CEP295: variants seen among roughly 807,000 people sequenced by gnomAD.
The protein encoded by CEP295 is centrosomal protein 295.
Under a neutral mutation model 291.6 loss-of-function variants are expected in CEP295, and 190 were observed. The ratio of observed to expected loss-of-function variants is 0.65; its 90% CI spans 0.58 to 0.73. The LOEUF (loss-of-function observed/expected upper bound fraction) is 0.73. CEP295 is among the 30% of genes least tolerant of loss of function. The pLI, the probability that CEP295 is intolerant of heterozygous loss-of-function variation, is 0.00. For missense variants in CEP295, 2,863 were observed against 2,949.4 expected (o/e 0.97, Z 0.68); for synonymous variants, 993 against 1,038.8 (o/e 0.96, Z 0.85).
At chr11:93,726,820 C>A in intron 23 of CEP295, 156 bp from the exon 24 acceptor site, 1 of 514,016 alleles carries the variant, frequency 1.9e-6, no homozygotes, top group African/African-American at 2.0e-5. Context: ...ATCACTGTGA[C>A]CATCCTTATC....
At chr11:93,669,383 G>C (rs890029966) in intron 4 of CEP295, among the ~76,000 whole-genome samples, 2 of 149,520 alleles carry the variant, frequency 1.3e-5, no homozygotes, top group African/African-American at 4.9e-5. Context: ...CCTGTTACTA[G>C]TTAGCAACAG....
chr11:93,683,290 C>G (rs1275231250), intron 7 of CEP295, among the ~76,000 whole-genome samples: 1 of 152,206 alleles, frequency 6.6e-6, no homozygotes, highest in African/African-American at 2.4e-5. Flanking sequence ...CAGTACCACT[C>G]TTTCATTGTA....
In CEP295 at chr11:93,723,134, C is replaced by T. The variant is rs766268062; in HGVS notation, c.6041C>T (p.Thr2014Ile). ...ATTATAAGTTCCATAGTTCCTTCAA[C>T]ACAAGATATTTATCAGCGGCAGAAC... ...TNIISSIVPS[T>I]QDIYQRQNSS... is the part of the protein sequence containing the mutation. Residue 2014 changes from threonine (T) to isoleucine (I), a missense_variant, in exon 21 of 30, where the codon ACA becomes ATA. This residue lies in a region of CEP295 where 2,295 missense variants were observed against 2,335.7 expected (regional missense o/e 0.98). Transcript: ENST00000325212. 3 of 1,551,868 alleles carry T rather than the reference C, an allele frequency of 1.9e-6. No homozygotes were observed. Among genetic ancestry groups the T allele is most frequent in the African/African-American group, 2.7e-5 (2 of 73,048 alleles).
rs1430527812 is a variant in CEP295 at position 93,698,148 on chromosome 11, T to C, written c.3236T>C (p.Val1079Ala). ...CTTCAGGCTAGGCATGAAGCTCAGG[T>C]GGAATTACTTTTACATAGACAAAGA... ...DTLQARHEAQVELLLHRQRDL... is the reference protein window; with the variant it reads ...DTLQARHEAQAELLLHRQRDL... Residue 1079 changes from valine (V) to alanine (A), a missense_variant, in exon 15 of 30, where the codon GTG becomes GCG. Physicochemically the swap from Val to Ala is moderately conservative, Grantham distance 64. This residue lies in a region of CEP295 where 2,295 missense variants were observed against 2,335.7 expected (regional missense o/e 0.98). Transcript: ENST00000325212. 13 of 1,551,990 alleles carry C rather than the reference T, an allele frequency of 8.4e-6. No individual in the cohort carries two copies. Among genetic ancestry groups the C allele is most frequent in the African/African-American group, 2.7e-5 (2 of 73,004 alleles).
At chr11:93,710,463 C>T (rs551680037) in intron 18 of CEP295, among the ~76,000 whole-genome samples, 1 of 152,268 alleles carries the variant, frequency 6.6e-6, no homozygotes, top group African/African-American at 2.4e-5. Flanking sequence ...TCCTTGCATC[C>T]TTGGGATAAA....
At chr11:93,679,608 A>G (rs1944100) in intron 7 of CEP295, 56 bp downstream of exon 7, 1,429,958 of 1,469,612 alleles carry the variant, frequency 0.97, 698,454 homozygotes, top group Non-Finnish European at 0.99. Flanking sequence ...ATAGCATTGC[A>G]GGACTGATTA....
In CEP295 at chr11:93,727,212, A is replaced by C; in HGVS notation, c.6736A>C (p.Asn2246His). The change falls in exon 24 of 30, where the codon AAT (asparagine) becomes CAT (histidine). Residue 2246 changes from asparagine to histidine, a missense_variant. Physicochemically the swap from Asn to His is moderately conservative, Grantham distance 68 (BLOSUM62 1). Around this residue, in one of 3 missense-constraint regions of CEP295, gnomAD observed 2,295 missense variants for 2,335.7 expected, o/e 0.98. Transcript: ENST00000325212. ...SSVYSSSDEANVFDQLNVQHS... is the reference protein window; with the variant it reads ...SSVYSSSDEAHVFDQLNVQHS... ...AGTCTACAGTTCATCTGATGAAGCTAATGTATTTGATCAGTTAAATGTACA... is the reference window on the plus strand; with the variant it reads ...AGTCTACAGTTCATCTGATGAAGCTCATGTATTTGATCAGTTAAATGTACA... 6.4e-7 allele frequency: 1 copy of C among 1,551,518 alleles called. No homozygotes were observed. Among genetic ancestry groups the C allele is most frequent in the Non-Finnish European group, 8.7e-7 (1 of 1,146,840 alleles).
intron 21 of CEP295, 27 bp from the exon 22 acceptor site, chr11:93,724,227 T>G: frequency 6.5e-7 from 1 of 1,529,028 alleles, no homozygotes; most frequent in Non-Finnish European, 8.8e-7. Context: ...CCCTCAAAAA[T>G]TCTAACAGTT....
intron 25 of CEP295, chr11:93,729,111 GATATTGAAAAATGACTTCAGAACA>G (rs1271258442): frequency 1.6e-5 from 8 of 492,600 alleles, no homozygotes; most frequent in Non-Finnish European, 2.5e-5. Flanking sequence ...CTTATTCCCA[GATATTGAAAAATGACTTCAGAACA>G]ACTGGTAATT....
chr11:93,699,306 CACAG>C lies in CEP295; in HGVS notation c.4400_4403del (p.Thr1467IlefsTer45), dbSNP rs1182743246. 5.2e-6 allele frequency: 8 copies of C among 1,551,868 alleles called. No homozygotes were observed. Among genetic ancestry groups the C allele is most frequent in the African/African-American group, 1.4e-5 (1 of 73,036 alleles). ...ATTGCACTTGAAGAACACTTGCATG[CACAG>C]ACAGATTTCCTTCCTTCTATTGAGA... On this transcript the variant is annotated frameshift_variant, in exon 15 of 30. Coordinates refer to ENST00000325212, the MANE Select transcript of CEP295 (RefSeq NM_033395.2). LOFTEE classifies it high-confidence loss of function.
chr11:93,663,369 T>A (rs377734345), intron 1 of CEP295, among the ~76,000 whole-genome samples: 36 of 152,180 alleles, frequency 2.4e-4, no homozygotes, highest in Non-Finnish European at 4.7e-4. Context: ...CCATTTTCCC[T>A]CACACACGCA....
At chr11:93,715,836 G>A (rs1953205373) in intron 18 of CEP295, among the ~76,000 whole-genome samples, 1 of 152,022 alleles carries the variant, frequency 6.6e-6, no homozygotes, top group Non-Finnish European at 1.5e-5. Context: ...TTATTCTTCT[G>A]TGACTGAGTG....
intron 23 of CEP295, 84 bp downstream of exon 23, chr11:93,725,915 G>A: frequency 8.5e-7 from 1 of 1,175,268 alleles, no homozygotes; most frequent in East Asian, 2.6e-5. Context: ...AGCACCTCTT[G>A]GTTTGTCTTC....
At chr11:93,669,005 G>C in intron 4 of CEP295, 73 bp downstream of exon 4, 1 of 727,056 alleles carries the variant, frequency 1.4e-6, no homozygotes, top group Non-Finnish European at 2.2e-6. Flanking sequence ...ATAGGATACT[G>C]TGTAAGCAAA....
In CEP295 at chr11:93,695,494, T is replaced by C; in HGVS notation, c.1534-3T>C. 6.9e-7 allele frequency: 1 copy of C among 1,440,140 alleles called. No individual in the cohort carries two copies. Among genetic ancestry groups the C allele is most frequent in the Non-Finnish European group, 9.1e-7 (1 of 1,102,698 alleles). The allele number at this position is 1,440,140 out of a possible 1,614,324, so 89.2% of individuals were successfully genotyped here. A position where few individuals can be genotyped will look rare whatever the true frequency, so the allele number is the denominator to read the frequency against. ...AATAGATCAATAGTATTTTGTTACC[T>C]AGATAATGGAAATAGAAGAGCAGAA... On this transcript the variant is annotated splice_region_variant and splice_polypyrimidine_tract_variant and intron_variant, in intron 12 of 29. Transcript: ENST00000325212.
intron 24 of CEP295, chr11:93,727,870 C>T: frequency 2.4e-6 from 1 of 411,892 alleles, no homozygotes; most frequent in Non-Finnish European, 4.3e-6. Context: ...TATTGCTATC[C>T]AGCTTGTGAT....
chr11:93,685,866 ATGCCTGGCTAATTTTTGT>A (rs1314828118), intron 9 of CEP295, among the ~76,000 whole-genome samples: 1 of 151,906 alleles, frequency 6.6e-6, no homozygotes, highest in African/African-American at 2.4e-5. Context: ...ACACACCACC[ATGCCTGGCTAATTTTTGT>A]ATTTTTAGCA....
chr11:93,695,840 A>G (rs1951819712), intron 13 of CEP295, among the ~76,000 whole-genome samples: 1 of 152,030 alleles, frequency 6.6e-6, no homozygotes, highest in Admixed American at 6.6e-5. Context: ...GTGAAACCCC[A>G]TCTCTACTAA....
chr11:93,684,701 GTTC>G (rs1951141829), intron 9 of CEP295, among the ~76,000 whole-genome samples: 1 of 152,218 alleles, frequency 6.6e-6, no homozygotes, highest in Admixed American at 6.5e-5. Flanking sequence ...AGCGGTTGCA[GTTC>G]TTCTGTCCAG....
Sources: gnomAD v4.1 joint callset for allele counts (sites outside exome capture counted in the v4.1 genomes callset) on GRCh38, gnomAD v4.1.1 for gene constraint, gnomAD v4.1.1 regional missense constraint, MANE v1.5 for transcripts, NCBI Gene and HGNC (gene_info 2026-07-23, HGNC 2026-07-21) for gene names.